Variants in ATG5 observed in about 807,000 individuals in gnomAD.
ATG5 encodes autophagy protein 5.
In ATG5, 14 loss-of-function variants were observed where a neutral mutation model predicts 36.5. The observed-to-expected ratio is 0.38, with a 90% confidence interval of 0.25 to 0.60. The LOEUF (loss-of-function observed/expected upper bound fraction) is 0.60. Among genes scored for constraint, ATG5 ranks in the 20% least tolerant of loss-of-function variants. ATG5 has a pLI of 0.60. For missense variants in ATG5, 195 were observed against 326.7 expected (o/e 0.60, Z 3.11); for synonymous variants, 95 against 101.5 (o/e 0.94, Z 0.38).
chr6:106,231,689 GT>G (rs2114465426), intron 6 of ATG5, among the ~76,000 whole-genome samples: 2 of 152,268 alleles, frequency 1.3e-5, no homozygotes, highest in African/African-American at 4.8e-5. Context: ...TAAAGGATAA[GT>G]TTATCACTCA....
intron 5 of ATG5, among the ~76,000 whole-genome samples, chr6:106,252,562 C>G (rs1437122800): frequency 6.6e-6 from 1 of 152,044 alleles, no homozygotes; most frequent in African/African-American, 2.4e-5. Flanking sequence ...GGACAAACTG[C>G]AGGAAAAAGT....
chr6:106,317,403 C>CT (rs981482967), intron 1 of ATG5, among the ~76,000 whole-genome samples: 5 of 151,906 alleles, frequency 3.3e-5, no homozygotes, highest in Admixed American at 2.6e-4. Context: ...GCTTATTTCC[C>CT]TTTTTTTTCC....
intron 5 of ATG5, among the ~76,000 whole-genome samples, chr6:106,261,280 A>G (rs1779008712): frequency 6.6e-6 from 1 of 152,248 alleles, no homozygotes; most frequent in East Asian, 1.9e-4. Context: ...AGAAAAAGTA[A>G]ATAATCACCA....
intron 6 of ATG5, among the ~76,000 whole-genome samples, chr6:106,245,255 A>G (rs1350349056): frequency 6.6e-6 from 1 of 152,220 alleles, no homozygotes; most frequent in Non-Finnish European, 1.5e-5. Context: ...TAAATGAATT[A>G]CAGATGAAAA....
chr6:106,282,183 A>C (rs17513225), intron 4 of ATG5, among the ~76,000 whole-genome samples: 9,077 of 152,286 alleles, frequency 0.06, 367 homozygotes, highest in South Asian at 0.13. Context: ...AATTCATGTT[A>C]TGAGCTGTAC....
chr6:106,305,640 G>A lies in ATG5; in HGVS notation c.236+2724C>T, dbSNP rs575037238. ...AACTCCGAAGAATAAATATAGGAAG[G>A]ACGTTATTATTCAACTCAAATAAAT... On this transcript the variant is annotated intron_variant, in intron 3 of 7. Transcript: ENST00000369076. 1.4e-4 allele frequency among the ~76,000 whole-genome samples: 21 copies of A among 152,294 alleles called. 1 individual carries two copies. The South Asian group carries it at 4.4e-3, about 32-fold the overall frequency.
chr6:106,322,340 C>A (rs541384909), intron 1 of ATG5, among the ~76,000 whole-genome samples: 41 of 152,334 alleles, frequency 2.7e-4, no homozygotes, highest in African/African-American at 9.9e-4. Context: ...GTAATTTTCA[C>A]TGACAAAACC....
chr6:106,276,730 AATTGTGAAGTT>A (rs1779672274), intron 5 of ATG5, among the ~76,000 whole-genome samples: 1 of 152,162 alleles, frequency 6.6e-6, no homozygotes, highest in Non-Finnish European at 1.5e-5. Context: ...TATTAACTTC[AATTGTGAAGTT>A]AACTCAAATC....
intron 6 of ATG5, among the ~76,000 whole-genome samples, chr6:106,205,834 A>C (rs532562097): frequency 6.5e-4 from 99 of 152,340 alleles, no homozygotes; most frequent in African/African-American, 2.2e-3. Flanking sequence ...TAAAAACAAG[A>C]AAATGCTCAG....
chr6:106,246,952 A>C (rs1778366366), intron 6 of ATG5, among the ~76,000 whole-genome samples: 1 of 152,232 alleles, frequency 6.6e-6, no homozygotes, highest in African/African-American at 2.4e-5. Context: ...GCATGAACCT[A>C]ACAATAACCC....
chr6:106,272,179 A>C (rs578183158), intron 5 of ATG5, among the ~76,000 whole-genome samples: 1 of 152,354 alleles, frequency 6.6e-6, no homozygotes, highest in African/African-American at 2.4e-5. Context: ...GACCACTGGT[A>C]TAGACTCCCA....
intron 6 of ATG5, among the ~76,000 whole-genome samples, chr6:106,224,893 C>CAAACA (rs1015816059): frequency 9.2e-5 from 14 of 152,132 alleles, no homozygotes; most frequent in African/African-American, 3.1e-4. Flanking sequence ...AAAAAACAAA[C>CAAACA]AAACAAAACA....
intron 4 of ATG5, among the ~76,000 whole-genome samples, chr6:106,284,956 A>G (rs1582653047): frequency 6.6e-6 from 1 of 152,292 alleles, no homozygotes; most frequent in Non-Finnish European, 1.5e-5. Context: ...ACCCACACAC[A>G]GTCTTGATTA....
chr6:106,219,234 T>C (rs1051657592), intron 6 of ATG5, among the ~76,000 whole-genome samples: 7 of 152,168 alleles, frequency 4.6e-5, no homozygotes, highest in African/African-American at 1.4e-4. Context: ...AAACAAGCTG[T>C]TTCTTAACAT....
At chr6:106,188,895 G>A (rs1023823566) in intron 7 of ATG5, among the ~76,000 whole-genome samples, 8 of 151,974 alleles carry the variant, frequency 5.3e-5, no homozygotes, top group Non-Finnish European at 1.2e-4. Context: ...ATATCTCACC[G>A]GCATTTATGT....
At position 106,287,975 on chromosome 6, in the gene ATG5, T is replaced by G. The variant is rs750728763; in HGVS notation, c.315+5053A>C. On this transcript the variant is annotated intron_variant, in intron 4 of 7. Transcript: ENST00000369076. ...GAGTATTCACTGGACCACAATTAAC[T>G]TTTTTTTTTTTTTTTAGATGGAGTC... Among the ~76,000 whole-genome samples the G allele has an allele frequency of 6.8e-4, 88 of 129,602 alleles. 1 individual carries two copies. The highest frequency in any genetic ancestry group is 1.2e-3 in the Non-Finnish European group (71 of 61,070). 85.0% of individuals were successfully genotyped at this position (129,602 alleles called of 152,430 possible).
chr6:106,251,654 A>AGG (rs1778584264), intron 5 of ATG5, among the ~76,000 whole-genome samples: 1 of 60,884 alleles, frequency 1.6e-5, no homozygotes, highest in Non-Finnish European at 3.4e-5. Context: ...AGAGGGAGGG[A>AGG]GGGAGGAAGG....
intron 6 of ATG5, among the ~76,000 whole-genome samples, chr6:106,213,691 AGG>A (rs1776937706): frequency 6.6e-6 from 1 of 152,198 alleles, no homozygotes; most frequent in East Asian, 1.9e-4. Flanking sequence ...GAAATAACAA[AGG>A]TTTGGTTGGA....
At position 106,226,035 on chromosome 6, in the gene ATG5, A is replaced by G. The variant is rs371877834; in HGVS notation, c.573+22115T>C. On this transcript the variant is annotated intron_variant, in intron 6 of 7. Coordinates refer to ENST00000369076, the MANE Select transcript of ATG5 (RefSeq NM_004849.4). ...CTACGAAGGCCCTAAACTCTCACCTATGGGAAACCCTGAGGCTCTGTACAA... is the reference window on the plus strand; with the variant it reads ...CTACGAAGGCCCTAAACTCTCACCTGTGGGAAACCCTGAGGCTCTGTACAA... Among the ~76,000 whole-genome samples, 13 of 152,348 alleles carry G rather than the reference A, an allele frequency of 8.5e-5. No individual in the cohort carries two copies. In the East Asian group the frequency reaches 2.1e-3, roughly 25 times the overall value.
Sources: allele counts gnomAD v4.1 joint callset (sites outside exome capture counted in the v4.1 genomes callset), GRCh38; gene constraint gnomAD v4.1.1; transcripts MANE v1.5; gene names NCBI Gene and HGNC (gene_info 2026-07-23, HGNC 2026-07-21).